The following MEIG1 variants were observed in gnomAD, a reference collection of about 807,000 sequenced individuals.
The protein encoded by MEIG1 is meiosis/spermiogenesis associated 1.
Under a neutral mutation model 11.3 loss-of-function variants are expected in MEIG1, and 12 were observed. The ratio of observed to expected loss-of-function variants is 1.07; its 90% CI spans 0.68 to 1.73. The LOEUF is 1.73. Among genes scored for constraint, MEIG1 ranks in the 40% most tolerant of loss-of-function variants. The pLI, the probability that MEIG1 is intolerant of heterozygous loss-of-function variation, is 0.00. For synonymous variants in MEIG1, 41 were observed against 33.2 expected (o/e 1.24, Z -0.81); for missense variants, 119 against 104.9 (o/e 1.13, Z -0.59).
chr10:14,959,158 AT>A (rs1842981280), upstream of MEIG1, among the ~76,000 whole-genome samples: 1 of 152,262 alleles, frequency 6.6e-6, no homozygotes, highest in Non-Finnish European at 1.5e-5. Flanking sequence ...TTCACAGGGA[AT>A]TTTGTCTGGG....
chr10:14,987,276 A>C, intron 2 of MEIG1: 1 of 795,928 alleles, frequency 1.3e-6, no homozygotes, highest in African/African-American at 1.7e-5. Context: ...TGGAGGGGGG[A>C]GTCAGAGCTG....
chr10:14,962,351 G>A (rs565293061), intron 1 of MEIG1, among the ~76,000 whole-genome samples: 45 of 152,288 alleles, frequency 3.0e-4, no homozygotes, highest in African/African-American at 1.0e-3. Context: ...AGTTACAGTA[G>A]TCACTAGAGT....
intron 2 of MEIG1, chr10:14,987,488 A>T (rs1451373342): frequency 4.2e-6 from 3 of 712,784 alleles, no homozygotes. Context: ...GGAAAATAAA[A>T]GGTAAAAACC....
chr10:14,987,653 T>C, intron 2 of MEIG1: 1 of 402,404 alleles, frequency 2.5e-6, no homozygotes, highest in Non-Finnish European at 4.5e-6. Flanking sequence ...CTGTACATAC[T>C]ACTTTAGAGA....
upstream of MEIG1, among the ~76,000 whole-genome samples, chr10:14,957,840 G>A (rs1015575367): frequency 1.3e-5 from 2 of 152,084 alleles, no homozygotes; most frequent in African/African-American, 2.4e-5. Flanking sequence ...TAGAGAAAGG[G>A]TTTCACCATA....
chr10:14,963,804 A>G (rs1843044066), intron 1 of MEIG1, among the ~76,000 whole-genome samples: 1 of 152,114 alleles, frequency 6.6e-6, no homozygotes, highest in South Asian at 2.1e-4. Flanking sequence ...CTCTACTAAA[A>G]ATATAAAAAT....
At chr10:14,974,865 T>C (rs1843194402), downstream of MEIG1, among the ~76,000 whole-genome samples, 1 of 152,044 alleles carries the variant, frequency 6.6e-6, no homozygotes, top group African/African-American at 2.4e-5. Context: ...GATTTCTTAA[T>C]ATTAATATCA....
At chr10:14,967,283 C>A (rs750464720) in intron 2 of MEIG1, among the ~76,000 whole-genome samples, 1 of 151,946 alleles carries the variant, frequency 6.6e-6, no homozygotes, top group Non-Finnish European at 1.5e-5. Context: ...TTATTTTAAC[C>A]ATGAATTAGA....
intron 1 of MEIG1, among the ~76,000 whole-genome samples, chr10:14,966,214 C>G (rs544823406): frequency 6.6e-6 from 1 of 151,924 alleles, no homozygotes; most frequent in East Asian, 1.9e-4. Context: ...CAGGCGTGCA[C>G]CACCATGCCT....
intron 1 of MEIG1, among the ~76,000 whole-genome samples, chr10:14,961,078 T>C (rs4360596): frequency 0.72 from 109,493 of 152,100 alleles, 40,539 homozygotes; most frequent in African/African-American, 0.9. Flanking sequence ...TCAATTTAAC[T>C]ATGGGATTAT....
At chr10:14,966,066 C>CTTT (rs10673663) in intron 1 of MEIG1, among the ~76,000 whole-genome samples, 1 of 118,722 alleles carries the variant, frequency 8.4e-6, no homozygotes, top group Non-Finnish European at 1.7e-5. Flanking sequence ...TTTATTTATT[C>CTTT]TTTTTTTTTT....
Position 14,972,496 on chromosome 10 carries a change from T to C in MEIG1, c.139-17T>C. 1 of 1,613,930 alleles carries C rather than the reference T, an allele frequency of 6.2e-7. No individual in the cohort carries two copies. The highest frequency in any genetic ancestry group is 1.3e-5 in the African/African-American group (1 of 75,046). On this transcript the variant is annotated splice_polypyrimidine_tract_variant and intron_variant, in intron 2 of 2. Coordinates refer to ENST00000407572, the MANE Select transcript of MEIG1 (RefSeq NM_001080836.3). The stretch of plus-strand genomic sequence containing the variant: ...ACCCTCCATTGTAACGTTTGTACTC[T>C]GGTTCTTGATGTGCAGGTAGATCGT...
chr10:14,986,674 A>T, intron 1 of MEIG1: 1 of 280,456 alleles, frequency 3.6e-6, no homozygotes, highest in East Asian at 1.0e-4. Flanking sequence ...CACAGGCACA[A>T]TCCGGGCTCA....
downstream of MEIG1, among the ~76,000 whole-genome samples, chr10:14,976,786 C>G (rs1285180894): frequency 1.3e-5 from 2 of 151,696 alleles, no homozygotes; most frequent in Non-Finnish European, 2.9e-5. Context: ...CTTTCATATT[C>G]TTCATAATAT....
chr10:14,984,083 T>C (rs755851008), intron 1 of MEIG1, among the ~76,000 whole-genome samples: 2 of 151,988 alleles, frequency 1.3e-5, no homozygotes, highest in Non-Finnish European at 2.9e-5. Context: ...CCGTGTATGA[T>C]ATAGTTGGTA....
chr10:14,971,216 G>GATGATAATA (rs147640779), intron 2 of MEIG1, among the ~76,000 whole-genome samples: 1 of 143,642 alleles, frequency 7.0e-6, no homozygotes, highest in African/African-American at 2.6e-5. Flanking sequence ...TAATAATAAT[G>GATGATAATA]ATAATAATAA....
intron 2 of MEIG1, among the ~76,000 whole-genome samples, chr10:14,968,437 G>A (rs1327360726): frequency 6.6e-6 from 1 of 152,066 alleles, no homozygotes; most frequent in African/African-American, 2.4e-5. Flanking sequence ...GCAGTTAGCT[G>A]AGATCACACC....
intron 1 of MEIG1, among the ~76,000 whole-genome samples, chr10:14,960,565 C>T (rs1843000733): frequency 6.6e-6 from 1 of 152,024 alleles, no homozygotes; most frequent in Non-Finnish European, 1.5e-5. Flanking sequence ...ACCACAGGTG[C>T]CCGCCACGAT....
chr10:14,984,104 G>A (rs1275449762), intron 1 of MEIG1, among the ~76,000 whole-genome samples: 8 of 152,082 alleles, frequency 5.3e-5, no homozygotes, highest in Non-Finnish European at 1.0e-4. Flanking sequence ...ATTTCCAGAG[G>A]CGGAAAAGAT....
Sources: gnomAD v4.1 joint callset for allele counts (sites outside exome capture counted in the v4.1 genomes callset) on GRCh38, gnomAD v4.1.1 for gene constraint, MANE v1.5 for transcripts, NCBI Gene and HGNC (gene_info 2026-07-23, HGNC 2026-07-21) for gene names.